Variants in TRPC3 observed in about 807,000 individuals in gnomAD.
TRPC3 encodes the protein transient receptor potential cation channel subfamily C member 3.
Under a neutral mutation model 90.9 loss-of-function variants are expected in TRPC3, and 54 were observed. The observed-to-expected ratio is 0.59, with a 90% CI of 0.48 to 0.75. The LOEUF is 0.75. Ranked by LOEUF, TRPC3 falls within the 30% of genes least tolerant of loss-of-function variation. TRPC3 has a pLI of 0.00. For synonymous variants in TRPC3, 424 were observed against 450.9 expected (o/e 0.94, Z 0.75); for missense variants, 918 against 1,194.5 (o/e 0.77, Z 3.41).
At chr4:121,911,605 T>A (rs1485769379) in intron 5 of TRPC3, among the ~76,000 whole-genome samples, 2 of 152,202 alleles carry the variant, frequency 1.3e-5, no homozygotes, top group African/African-American at 2.4e-5. Flanking sequence ...AAAACTTACA[T>A]CTTGTTCAAT....
chr4:121,945,980 T>C (rs1327175990), intron 1 of TRPC3, among the ~76,000 whole-genome samples: 1 of 151,788 alleles, frequency 6.6e-6, no homozygotes. Flanking sequence ...ATCACTAAAA[T>C]GGAAATAAAT....
chr4:121,892,560 A>G (rs556700837), intron 10 of TRPC3, among the ~76,000 whole-genome samples: 1 of 152,314 alleles, frequency 6.6e-6, no homozygotes, highest in African/African-American at 2.4e-5. Flanking sequence ...CACATTAGGA[A>G]CATGAGAGAG....
chr4:121,881,830 C>CAAAT (rs1727953411), intron 11 of TRPC3, among the ~76,000 whole-genome samples: 1 of 152,024 alleles, frequency 6.6e-6, no homozygotes, highest in Non-Finnish European at 1.5e-5. Flanking sequence ...TGCCCTGCCT[C>CAAAT]AAATATGCCT....
chr4:121,926,749 A>G (rs116474238), intron 2 of TRPC3, among the ~76,000 whole-genome samples: 5,280 of 152,254 alleles, frequency 0.035, 305 homozygotes, highest in African/African-American at 0.12. Context: ...ATTTAGGTTG[A>G]CAGTGAAAAA....
intron 3 of TRPC3, among the ~76,000 whole-genome samples, chr4:121,921,724 A>G (rs1000034923): frequency 6.6e-6 from 1 of 151,898 alleles, no homozygotes; most frequent in Non-Finnish European, 1.5e-5. Context: ...GCTGTGGACT[A>G]CCTCTGTGCC....
At chr4:121,899,474 T>G (rs1380912163) in intron 10 of TRPC3, 138 bp downstream of exon 10, 1 of 538,078 alleles carries the variant, frequency 1.9e-6, no homozygotes, top group Admixed American at 3.8e-5. Flanking sequence ...TTGAATCATT[T>G]TCTTTGTTCT....
chr4:121,900,199 A>G (rs1045264070), intron 9 of TRPC3, among the ~76,000 whole-genome samples: 2 of 152,212 alleles, frequency 1.3e-5, no homozygotes, highest in Non-Finnish European at 2.9e-5. Flanking sequence ...CAGGTTCACA[A>G]TTTTGGAGAG....
At position 121,910,134 on chromosome 4, in the gene TRPC3, C is replaced by G. The variant is rs199871092; in HGVS notation, c.1792+20G>C. On this transcript the variant is annotated intron_variant, in intron 6 of 11. Coordinates refer to ENST00000379645, the MANE Select transcript of TRPC3 (RefSeq NM_001130698.2). Reference sequence around the variant, plus strand: ...ATACCTTTCCCAAAACACAAGGGGACCCTGAAGCTAACAACTTACCATAAG... The same window carrying G: ...ATACCTTTCCCAAAACACAAGGGGAGCCTGAAGCTAACAACTTACCATAAG... 2 of 1,604,314 alleles carry G rather than the reference C, an allele frequency of 1.2e-6. No individual in the cohort carries two copies. The highest frequency in any genetic ancestry group is 1.7e-6 in the Non-Finnish European group (2 of 1,171,664).
chr4:121,891,246 T>C (rs1385297220), intron 10 of TRPC3, among the ~76,000 whole-genome samples: 1 of 152,180 alleles, frequency 6.6e-6, no homozygotes, highest in Non-Finnish European at 1.5e-5. Context: ...CTAAGTATAT[T>C]ACAGGTAGTC....
intron 2 of TRPC3, among the ~76,000 whole-genome samples, chr4:121,929,731 T>C (rs903767066): frequency 2.0e-5 from 3 of 152,098 alleles, no homozygotes; most frequent in African/African-American, 7.2e-5. Context: ...GCAGAGTGGC[T>C]GAGAATCTTC....
intron 10 of TRPC3, among the ~76,000 whole-genome samples, chr4:121,893,786 G>T (rs1454992581): frequency 1.3e-5 from 2 of 152,054 alleles, no homozygotes. Context: ...CCTCTTCATT[G>T]ATAACAAAAA....
At chr4:121,889,443 C>A (rs1001993297) in intron 10 of TRPC3, among the ~76,000 whole-genome samples, 4 of 152,116 alleles carry the variant, frequency 2.6e-5, no homozygotes, top group Non-Finnish European at 5.9e-5. Context: ...CAAAAGAAGA[C>A]ATACAAATGG....
intron 1 of TRPC3, 152 bp from the exon 2 acceptor site, chr4:121,933,194 T>C: frequency 7.5e-7 from 1 of 1,340,172 alleles, no homozygotes; most frequent in Non-Finnish European, 9.6e-7. Flanking sequence ...TGCTAACTAC[T>C]CGCCTGAAAG....
chr4:121,905,715 T>G (rs1728857736), intron 7 of TRPC3, among the ~76,000 whole-genome samples: 1 of 152,122 alleles, frequency 6.6e-6, no homozygotes, highest in East Asian at 1.9e-4. Flanking sequence ...TTTTATAGAT[T>G]TGTAGGTTTT....
intron 7 of TRPC3, 132 bp from the exon 8 acceptor site, chr4:121,904,649 G>A (rs1728820083): frequency 1.9e-6 from 1 of 533,728 alleles, no homozygotes; most frequent in Non-Finnish European, 3.0e-6. Flanking sequence ...CCAAGAGCAG[G>A]ATTACTTTGT....
intron 9 of TRPC3, among the ~76,000 whole-genome samples, chr4:121,900,890 G>A (rs1246754244): frequency 6.6e-6 from 1 of 152,150 alleles, no homozygotes; most frequent in African/African-American, 2.4e-5. Flanking sequence ...TCTATTTCCA[G>A]CATCTTCTCT....
In TRPC3 at chr4:121,905,803, T is replaced by C. The variant is rs554337290; in HGVS notation, c.2058-1286A>G. 2.6e-5 allele frequency among the ~76,000 whole-genome samples: 4 copies of C among 152,230 alleles called. No homozygotes were observed. In the East Asian group the frequency reaches 7.7e-4, roughly 29 times the overall value. ...ATGTTCCAGAAATTTTGCTACACCC[T>C]GAGGATGGAGGGTTGAATAGAACTC... On this transcript the variant is annotated intron_variant, in intron 7 of 11. Transcript: ENST00000379645.
chr4:121,907,630 CA>C (rs1426477446), intron 6 of TRPC3, 63 bp from the exon 7 acceptor site: 7 of 1,523,524 alleles, frequency 4.6e-6, no homozygotes, highest in Non-Finnish European at 4.4e-6. Context: ...CTACGCAAAG[CA>C]AATACCTTAA....
At chr4:121,880,707 T>C (rs1727912970) in intron 11 of TRPC3, among the ~76,000 whole-genome samples, 1 of 152,212 alleles carries the variant, frequency 6.6e-6, no homozygotes, top group Non-Finnish European at 1.5e-5. Context: ...GATAAACCAC[T>C]GACCTTCAAA....
Sources: gnomAD v4.1 joint callset for allele counts (sites outside exome capture counted in the v4.1 genomes callset) on GRCh38, gnomAD v4.1.1 for gene constraint, MANE v1.5 for transcripts, NCBI Gene and HGNC (gene_info 2026-07-23, HGNC 2026-07-21) for gene names.